CLIC4: variants seen among roughly 807,000 people sequenced by gnomAD.
CLIC4 encodes the protein chloride intracellular channel protein 4.
CLIC4 carries 13 observed loss-of-function variants against 24.6 expected under a neutral mutation model. That is an observed-to-expected ratio of 0.53 (90% confidence interval 0.34 to 0.84). The LOEUF (loss-of-function observed/expected upper bound fraction) is 0.84, where lower values mean the gene tolerates loss of function less well. CLIC4 is among the 40% of genes least tolerant of loss of function. The pLI is 0.01. For missense variants in CLIC4, 227 were observed against 301.7 expected, an observed-to-expected ratio of 0.75 and a Z score of 1.83; for synonymous variants, 104 against 111.3, an observed-to-expected ratio of 0.93 and a Z score of 0.41.
chr1:24,747,017 C>T (rs1416646439), intron 1 of CLIC4, among the ~76,000 whole-genome samples: 1 of 151,440 alleles, frequency 6.6e-6, no homozygotes, highest in South Asian at 2.1e-4. Flanking sequence ...AAGAAATAAT[C>T]TGCATTTACC....
intron 2 of CLIC4, among the ~76,000 whole-genome samples, chr1:24,806,161 G>A (rs1639548362): frequency 1.3e-5 from 2 of 152,272 alleles, no homozygotes; most frequent in South Asian, 4.1e-4. Flanking sequence ...GAAATTTTTT[G>A]CCATTGCCTA....
intron 3 of CLIC4, among the ~76,000 whole-genome samples, chr1:24,815,425 C>G (rs1163227158): frequency 6.6e-6 from 1 of 152,154 alleles, no homozygotes; most frequent in Non-Finnish European, 1.5e-5. Context: ...TTGCTTGAAC[C>G]AGGGAGGCAG....
chr1:24,781,283 C>T (rs1218997420), intron 1 of CLIC4, among the ~76,000 whole-genome samples: 6 of 147,394 alleles, frequency 4.1e-5, no homozygotes, highest in Admixed American at 1.4e-4. Flanking sequence ...TACAGGCACA[C>T]GCCACCATGC....
intron 1 of CLIC4, among the ~76,000 whole-genome samples, chr1:24,757,306 C>T (rs1638864704): frequency 6.6e-6 from 1 of 152,174 alleles, no homozygotes; most frequent in Admixed American, 6.6e-5. Flanking sequence ...GTTGGGATTA[C>T]AGGCATGAGC....
At chr1:24,807,568 G>A (rs1639565531) in intron 2 of CLIC4, among the ~76,000 whole-genome samples, 1 of 152,218 alleles carries the variant, frequency 6.6e-6, no homozygotes, top group East Asian at 1.9e-4. Flanking sequence ...GAGAGTCACC[G>A]GGTGAGTGGT....
At chr1:24,786,914 G>A (rs1639274550) in intron 1 of CLIC4, among the ~76,000 whole-genome samples, 1 of 151,328 alleles carries the variant, frequency 6.6e-6, no homozygotes, top group Non-Finnish European at 1.5e-5. Context: ...CACCGTGCCA[G>A]GCCAATTTTT....
intron 4 of CLIC4, among the ~76,000 whole-genome samples, chr1:24,836,466 AGC>A (rs1639886399): frequency 7.0e-6 from 1 of 141,868 alleles, no homozygotes; most frequent in African/African-American, 2.4e-5. Context: ...CATAAAACAA[AGC>A]TAAAAATTTT....
At chr1:24,801,665 A>T (rs1639491818) in intron 2 of CLIC4, among the ~76,000 whole-genome samples, 1 of 152,214 alleles carries the variant, frequency 6.6e-6, no homozygotes, top group Non-Finnish European at 1.5e-5. Flanking sequence ...TCACATGCTG[A>T]TAGTTACCTG....
At chr1:24,810,067 T>C (rs1285878382) in intron 2 of CLIC4, among the ~76,000 whole-genome samples, 2 of 152,200 alleles carry the variant, frequency 1.3e-5, no homozygotes, top group Non-Finnish European at 2.9e-5. Context: ...TTTGCTGAAA[T>C]GTTTTAAAGT....
chr1:24,773,293 A>G (rs1639094445), intron 1 of CLIC4, among the ~76,000 whole-genome samples: 1 of 152,224 alleles, frequency 6.6e-6, no homozygotes, highest in Admixed American at 6.5e-5. Context: ...CTTGATGAAC[A>G]GAAATAGCTG....
chr1:24,756,820 A>C (rs575050492), intron 1 of CLIC4, among the ~76,000 whole-genome samples: 2 of 152,086 alleles, frequency 1.3e-5, no homozygotes, highest in Non-Finnish European at 2.9e-5. Flanking sequence ...TCCCGGGTTC[A>C]AGCGATTCTT....
At chr1:24,811,020 A>G (rs1328304710) in intron 2 of CLIC4, among the ~76,000 whole-genome samples, 1 of 151,662 alleles carries the variant, frequency 6.6e-6, no homozygotes, top group Non-Finnish European at 1.5e-5. Context: ...TGGAGCTTGT[A>G]GTGAGCCGAG....
intron 2 of CLIC4, among the ~76,000 whole-genome samples, chr1:24,806,504 A>G (rs1167144471): frequency 6.6e-6 from 1 of 152,214 alleles, no homozygotes; most frequent in African/African-American, 2.4e-5. Flanking sequence ...TTATCGCTTT[A>G]TTTATTTAAA....
intron 3 of CLIC4, among the ~76,000 whole-genome samples, chr1:24,819,730 C>T (rs1031146606): frequency 4.6e-5 from 7 of 150,558 alleles, no homozygotes; most frequent in African/African-American, 1.5e-4. Flanking sequence ...TGAGCCACCG[C>T]GCCTGACCAT....
Position 24,839,971 on chromosome 1 carries a change from G to A in CLIC4, c.527G>A (p.Arg176His), listed in dbSNP as rs752325844. ...NSMEDIKFST[R>H]KFLDGNEMTL... ...ATGGAGGACATAAAGTTTTCTACAC[G>A]TAAATTTCTGGATGGCAATGAAATG... The change falls in exon 5 of 6, where the codon CGT (arginine) becomes CAT (histidine). Residue 176 changes from arginine to histidine, a missense_variant. Physicochemically the swap from Arg to His is conservative, Grantham distance 29. Coordinates refer to ENST00000374379, the MANE Select transcript of CLIC4 (RefSeq NM_013943.3). 7.4e-6 allele frequency: 12 copies of A among 1,613,928 alleles called. No homozygotes were observed. Among genetic ancestry groups the A allele is most frequent in the African/African-American group, 6.7e-5 (5 of 74,882 alleles).
At chr1:24,767,755 T>C (rs1197201813) in intron 1 of CLIC4, among the ~76,000 whole-genome samples, 2 of 151,930 alleles carry the variant, frequency 1.3e-5, no homozygotes, top group Non-Finnish European at 2.9e-5. Context: ...AATGTGAAAG[T>C]GCAAAAGTAA....
At chr1:24,786,860 C>T (rs552023933) in intron 1 of CLIC4, among the ~76,000 whole-genome samples, 3 of 151,892 alleles carry the variant, frequency 2.0e-5, no homozygotes, top group Non-Finnish European at 4.4e-5. Flanking sequence ...CCTCGTGATC[C>T]GCCCGCCTTG....
chr1:24,815,619 G>A lies in CLIC4; in HGVS notation c.308+1400G>A, dbSNP rs954252574. On this transcript the variant is annotated intron_variant, in intron 3 of 5. Coordinates refer to ENST00000374379, the MANE Select transcript of CLIC4 (RefSeq NM_013943.3). The stretch of plus-strand genomic sequence containing the variant: ...CTGGCTACTGACCGATCAGAATGGT[G>A]ATTGCTGGTTGGGGTGGCTGTGGCA... 2.6e-5 allele frequency among the ~76,000 whole-genome samples: 4 copies of A among 152,360 alleles called. No homozygotes were observed. In the South Asian group the frequency reaches 8.3e-4, roughly 32 times the overall value.
intron 4 of CLIC4, among the ~76,000 whole-genome samples, chr1:24,838,182 AC>A (rs1639904694): frequency 6.6e-6 from 1 of 151,628 alleles, no homozygotes; most frequent in African/African-American, 2.4e-5. Context: ...TCTCTATACT[AC>A]CCTCTGTCCC....
Sources: allele counts gnomAD v4.1 joint callset (sites outside exome capture counted in the v4.1 genomes callset), GRCh38; gene constraint gnomAD v4.1.1; transcripts MANE v1.5; gene names NCBI Gene and HGNC (gene_info 2026-07-23, HGNC 2026-07-21).